Variants in SGCD observed in about 807,000 individuals in gnomAD.
SGCD encodes delta-sarcoglycan.
A neutral mutation model predicts 36.6 loss-of-function variants in SGCD; 18 were observed. The observed-to-expected ratio is 0.49, with a 90% CI of 0.34 to 0.73. The LOEUF is 0.73. Ranked by LOEUF, SGCD falls within the 30% of genes least tolerant of loss-of-function variation. The pLI is 0.01. For synonymous variants in SGCD, 133 were observed against 130.6 expected (o/e 1.02, Z -0.12); for missense variants, 387 against 346.7 (o/e 1.12, Z -0.92).
At chr5:155,791,924 G>T in the SGCD span, among the ~76,000 whole-genome samples, 1 of 152,008 alleles carries the variant, frequency 6.6e-6, no homozygotes, top group African/African-American at 2.4e-5. Context: ...AATTCATATG[G>T]ATGCAAAAAG....
chr5:156,091,562 G>T lies in SGCD; in HGVS notation c.-281-26316G>T, dbSNP rs145385618. ...CCTGTCAAGGTATAGCTTCCAATCT[G>T]GAGTATTCATTGGCTGATCTGACAG... On this transcript the variant is annotated intron_variant, in intron 1 of 9. Coordinates refer to the SGCD transcript ENST00000517913. 1.5e-4 allele frequency among the ~76,000 whole-genome samples: 23 copies of T among 152,274 alleles called. No individual in the cohort carries two copies. In the East Asian group the frequency reaches 4.3e-3, roughly 28 times the overall value.
intron 3 of SGCD, among the ~76,000 whole-genome samples, chr5:156,223,695 C>T (rs73300696): frequency 6.6e-6 from 1 of 151,840 alleles, no homozygotes; most frequent in Admixed American, 6.6e-5. Flanking sequence ...ATTAGTGATG[C>T]CTTAGAAGAG....
intron 1 of SGCD, among the ~76,000 whole-genome samples, chr5:156,087,644 A>G (rs80028793): frequency 2.0e-5 from 3 of 151,110 alleles, no homozygotes; most frequent in Non-Finnish European, 4.4e-5. Flanking sequence ...CCATCTCAAA[A>G]AAAAAAAAAA....
intron 2 of SGCD, among the ~76,000 whole-genome samples, chr5:156,336,769 G>A (rs1017578799): frequency 6.6e-6 from 1 of 152,210 alleles, no homozygotes; most frequent in Non-Finnish European, 1.5e-5. Context: ...GTATGAATGA[G>A]AGAATTGTTT....
At chr5:156,718,338 T>C (rs1301325136) in intron 7 of SGCD, among the ~76,000 whole-genome samples, 1 of 152,192 alleles carries the variant, frequency 6.6e-6, no homozygotes, top group East Asian at 1.9e-4. Context: ...AGGGTATGAA[T>C]GTTTCCCTAA....
chr5:156,252,440 T>A (rs1402221950), intron 3 of SGCD, among the ~76,000 whole-genome samples: 1 of 152,206 alleles, frequency 6.6e-6, no homozygotes, highest in African/African-American at 2.4e-5. Flanking sequence ...TCATACAGGA[T>A]GTTGTCCAGA....
intron 1 of SGCD, among the ~76,000 whole-genome samples, chr5:155,927,893 A>G (rs1757023674): frequency 6.6e-6 from 1 of 152,116 alleles, no homozygotes; most frequent in Non-Finnish European, 1.5e-5. Flanking sequence ...CAGTACTTTT[A>G]GTTTTCTTAA....
At chr5:156,550,133 T>TAC (rs1758733740) in intron 4 of SGCD, among the ~76,000 whole-genome samples, 1 of 152,170 alleles carries the variant, frequency 6.6e-6, no homozygotes, top group Non-Finnish European at 1.5e-5. Flanking sequence ...CAGGAAACTC[T>TAC]TTTATAGCTC....
At chr5:156,600,255 T>G (rs112614270) in intron 6 of SGCD, among the ~76,000 whole-genome samples, 1 of 152,272 alleles carries the variant, frequency 6.6e-6, no homozygotes, top group African/African-American at 2.4e-5. Context: ...ACACCAGAAC[T>G]TATTTCTCCT....
At chr5:156,046,388 C>T (rs1290491032) in intron 1 of SGCD, among the ~76,000 whole-genome samples, 3 of 152,004 alleles carry the variant, frequency 2.0e-5, no homozygotes, top group Admixed American at 2.0e-4. Context: ...TTGTGCTTTG[C>T]TTTATTCTGC....
At chr5:156,048,594 G>C (rs1242579867) in intron 1 of SGCD, among the ~76,000 whole-genome samples, 4 of 152,050 alleles carry the variant, frequency 2.6e-5, no homozygotes, top group Admixed American at 6.6e-5. Context: ...AGCATTTTTT[G>C]ATGTGTCTTT....
intron 3 of SGCD, among the ~76,000 whole-genome samples, chr5:156,175,471 C>G (rs1161321371): frequency 6.6e-6 from 1 of 151,972 alleles, no homozygotes; most frequent in East Asian, 1.9e-4. Context: ...CATATTTTAC[C>G]TCTTAGTCTC....
the SGCD span, among the ~76,000 whole-genome samples, chr5:155,849,660 T>C: frequency 6.6e-6 from 1 of 152,164 alleles, no homozygotes; most frequent in Non-Finnish European, 1.5e-5. Flanking sequence ...CAATTAATAG[T>C]GTGAGATGTA....
chr5:156,453,466 G>C (rs1457382946), intron 3 of SGCD, among the ~76,000 whole-genome samples: 2 of 152,142 alleles, frequency 1.3e-5, no homozygotes, highest in Non-Finnish European at 2.9e-5. Context: ...GTTCATAGTA[G>C]CTGCATTCAC....
At chr5:156,314,493 T>C (rs1767464758) in intron 3 of SGCD, among the ~76,000 whole-genome samples, 1 of 152,042 alleles carries the variant, frequency 6.6e-6, no homozygotes, top group Admixed American at 6.6e-5. Flanking sequence ...GGGTACAGTT[T>C]TCTGGTCTTC....
intron 3 of SGCD, among the ~76,000 whole-genome samples, chr5:156,266,337 G>C (rs1359894618): frequency 1.3e-5 from 2 of 152,144 alleles, no homozygotes; most frequent in Non-Finnish European, 2.9e-5. Flanking sequence ...GGTCCCAATA[G>C]CAGAATTAAA....
At chr5:156,627,186 A>G (rs1762469664) in intron 6 of SGCD, among the ~76,000 whole-genome samples, 1 of 152,154 alleles carries the variant, frequency 6.6e-6, no homozygotes, top group Admixed American at 6.6e-5. Context: ...CCATTTAGTG[A>G]GCTTCTCTGT....
At chr5:156,681,955 C>A (rs920256782) in intron 7 of SGCD, among the ~76,000 whole-genome samples, 1 of 152,084 alleles carries the variant, frequency 6.6e-6, no homozygotes, top group Non-Finnish European at 1.5e-5. Context: ...TCTCAGCAGG[C>A]GTTTATTTAA....
At position 156,036,678 on chromosome 5, in the gene SGCD, C is replaced by G. The variant is rs532485795; in HGVS notation, c.-281-81200C>G. 2.0e-5 allele frequency among the ~76,000 whole-genome samples: 3 copies of G among 152,190 alleles called. No homozygotes were observed. In the South Asian group the frequency reaches 6.2e-4, roughly 32 times the overall value. The stretch of plus-strand genomic sequence containing the variant: ...TTCATGGGTTATTTATTCCCTTCCT[C>G]AATTGCTGGTAACAGGGCTAGCTAG... On this transcript the variant is annotated intron_variant, in intron 1 of 9. Transcript: ENST00000517913.
Sources: allele counts gnomAD v4.1 joint callset (sites outside exome capture counted in the v4.1 genomes callset), GRCh38; gene constraint gnomAD v4.1.1; transcripts MANE v1.5; gene names NCBI Gene and HGNC (gene_info 2026-07-23, HGNC 2026-07-21).